Variants in DLC1 observed in about 807,000 individuals in gnomAD.
DLC1 encodes rho GTPase-activating protein 7.
A neutral mutation model predicts 140.3 loss-of-function variants in DLC1; 54 were observed. That is an observed-to-expected ratio of 0.38 (90% CI 0.31 to 0.48). DLC1 has a LOEUF of 0.48. DLC1 is among the 20% of genes least tolerant of loss of function. The pLI, the probability that DLC1 is intolerant of heterozygous loss-of-function variation, is 0.96. For synonymous variants in DLC1, 986 were observed against 728.1 expected, an observed-to-expected ratio of 1.35 and a Z score of -5.70; for missense variants, 2,536 against 1,907.0, an observed-to-expected ratio of 1.33 and a Z score of -6.14.
chr8:13,087,319 T>C (rs1279573309), intron 16 of DLC1, among the ~76,000 whole-genome samples: 1 of 152,198 alleles, frequency 6.6e-6, no homozygotes, highest in East Asian at 1.9e-4. Context: ...GGAGGATTGC[T>C]TGAGCCTGGG....
intron 5 of DLC1, among the ~76,000 whole-genome samples, chr8:13,141,705 T>C (rs751383804): frequency 5.3e-5 from 8 of 152,208 alleles, no homozygotes; most frequent in Non-Finnish European, 7.3e-5. Flanking sequence ...TGGAAACCCC[T>C]ACACAGCTCC....
chr8:13,169,857 T>TA (rs372703444), intron 5 of DLC1, among the ~76,000 whole-genome samples: 22,195 of 142,178 alleles, frequency 0.16, 1,708 homozygotes, highest in African/African-American at 0.18. Context: ...ATACCTCATC[T>TA]AAAAAAAAAA....
In DLC1 at chr8:13,538,741, G is replaced by T. The variant is rs1303739158; in HGVS notation, c.-125-38545C>A. ...ATGTATCTTGCCCAAAGTCACTCAG[G>T]TAATAAGTGGTAGAAGCAGATTTCA... On this transcript the variant is annotated intron_variant, in intron 1 of 1. Coordinates refer to the DLC1 transcript ENST00000631382. Among the ~76,000 whole-genome samples the T allele has an allele frequency of 2.0e-5, 3 of 152,156 alleles. 1 individual carries two copies. Among genetic ancestry groups the T allele is most frequent in the Admixed American group, 1.3e-4 (2 of 15,274 alleles).
chr8:13,119,201 G>A lies in DLC1; in HGVS notation c.1349-3544C>T, dbSNP rs1413474654. ...TGTGACCACACTACTGCATTCCAAC[G>A]TGAGCAACAGGGCAAGACCCTGTCT... On this transcript the variant is annotated intron_variant, in intron 5 of 17. Coordinates refer to ENST00000276297, the MANE Select transcript of DLC1 (RefSeq NM_182643.3). 2.7e-5 allele frequency among the ~76,000 whole-genome samples: 4 copies of A among 146,986 alleles called. No homozygotes were observed. The East Asian group carries it at 8.0e-4, about 29-fold the overall frequency.
chr8:13,546,105 T>C (rs894859588), intron 1 of DLC1, among the ~76,000 whole-genome samples: 11 of 152,068 alleles, frequency 7.2e-5, no homozygotes, highest in African/African-American at 2.2e-4. Context: ...AAAAAAGTTT[T>C]TAAAATCTTG....
At chr8:13,364,979 G>T (rs1835413881) in intron 4 of DLC1, among the ~76,000 whole-genome samples, 1 of 152,198 alleles carries the variant, frequency 6.6e-6, no homozygotes, top group East Asian at 1.9e-4. Flanking sequence ...TTCTTGGTAT[G>T]TTTGAGATTG....
chr8:13,283,828 G>A (rs1831450979), intron 5 of DLC1, among the ~76,000 whole-genome samples: 1 of 152,186 alleles, frequency 6.6e-6, no homozygotes, highest in African/African-American at 2.4e-5. Context: ...CAGTGTTGAG[G>A]TGACAGAGAT....
chr8:13,434,443 G>A (rs919311556), intron 2 of DLC1, among the ~76,000 whole-genome samples: 10 of 152,058 alleles, frequency 6.6e-5, no homozygotes, highest in African/African-American at 1.7e-4. Context: ...CTGTAAAAAC[G>A]TGCAGGCATG....
intron 2 of DLC1, among the ~76,000 whole-genome samples, chr8:13,453,452 A>G (rs1387612210): frequency 6.4e-5 from 2 of 31,218 alleles, no homozygotes; most frequent in Admixed American, 3.7e-4. Flanking sequence ...ATATATACAT[A>G]TATATATGTA....
Position 13,401,580 on chromosome 8 carries a change from T to C in DLC1, c.1063A>G (p.Met355Val). Residue 355 changes from methionine to valine, a missense_variant, in exon 3 of 18, where the codon ATG (methionine) becomes GTG (valine). By Grantham distance (21) the Met-to-Val change is conservative (BLOSUM62 1). Coordinates refer to ENST00000276297, the MANE Select transcript of DLC1 (RefSeq NM_182643.3). ...TCCAGTTTCATAATCAGCAGCACCATGGAGTCCAGCCGCGCCCTATCTCGA... is the reference window on the plus strand; with the variant it reads ...TCCAGTTTCATAATCAGCAGCACCACGGAGTCCAGCCGCGCCCTATCTCGA... ...EDRDRARLDS[M>V]VLLIMKLDQL... The C allele has an allele frequency of 1.2e-6, 2 of 1,613,884 alleles. No individual in the cohort carries two copies. Among genetic ancestry groups the C allele is most frequent in the Non-Finnish European group, 8.5e-7 (1 of 1,179,996 alleles).
At chr8:13,116,563 C>T (rs1820573712) in intron 5 of DLC1, among the ~76,000 whole-genome samples, 1 of 152,128 alleles carries the variant, frequency 6.6e-6, no homozygotes, top group Non-Finnish European at 1.5e-5. Flanking sequence ...TAATTTATGC[C>T]AGATTCAAAT....
intron 5 of DLC1, 178 bp downstream of exon 5, chr8:13,305,091 C>A (rs1832365958): frequency 5.5e-6 from 7 of 1,273,326 alleles, no homozygotes; most frequent in Non-Finnish European, 7.0e-6. Flanking sequence ...TGTCAGAAAA[C>A]CACGTATATT....
chr8:13,477,067 C>G (rs990118965), intron 2 of DLC1, among the ~76,000 whole-genome samples: 1 of 152,156 alleles, frequency 6.6e-6, no homozygotes, highest in African/African-American at 2.4e-5. Flanking sequence ...CATCTATTCA[C>G]CCATCCGTCT....
intron 5 of DLC1, among the ~76,000 whole-genome samples, chr8:13,179,634 T>C (rs1042744841): frequency 3.6e-4 from 54 of 151,864 alleles, no homozygotes; most frequent in Non-Finnish European, 8.8e-5. Context: ...GGTAGGAGGA[T>C]TGCTTGAGCC....
intron 2 of DLC1, among the ~76,000 whole-genome samples, chr8:13,441,891 T>C (rs539035681): frequency 7.1e-4 from 108 of 152,266 alleles, no homozygotes; most frequent in Middle Eastern, 6.8e-3. Context: ...GGGCCTGCAT[T>C]GCCAAGTCAA....
chr8:13,367,976 T>C (rs1835566799), intron 4 of DLC1, among the ~76,000 whole-genome samples: 1 of 151,878 alleles, frequency 6.6e-6, no homozygotes. Context: ...TTGTGTGGGG[T>C]TTGGAAGAGT....
At chr8:13,305,639 C>A (rs1196029079) in intron 4 of DLC1, among the ~76,000 whole-genome samples, 1 of 152,264 alleles carries the variant, frequency 6.6e-6, no homozygotes, top group South Asian at 2.1e-4. Context: ...GAGTTTGAGA[C>A]CAGCCAGGAC....
chr8:13,098,686 GCT>G, intron 9 of DLC1, 111 bp from the exon 10 acceptor site: 2 of 1,164,932 alleles, frequency 1.7e-6, no homozygotes, highest in Non-Finnish European at 2.4e-6. Flanking sequence ...TGCCATCACA[GCT>G]CACTGCAGCC....
chr8:13,511,703 C>G (rs150417610), intron 1 of DLC1, among the ~76,000 whole-genome samples: 124 of 152,218 alleles, frequency 8.1e-4, no homozygotes, highest in African/African-American at 2.9e-3. Flanking sequence ...TTCCCTTGTC[C>G]TCTTCCAATT....
Sources: gnomAD v4.1 joint callset for allele counts (sites outside exome capture counted in the v4.1 genomes callset) on GRCh38, gnomAD v4.1.1 for gene constraint, MANE v1.5 for transcripts, NCBI Gene and HGNC (gene_info 2026-07-23, HGNC 2026-07-21) for gene names.